CDH18: variants seen among roughly 807,000 people sequenced by gnomAD.
The protein encoded by CDH18 is cadherin-18.
In CDH18, 31 loss-of-function variants were observed where a neutral mutation model predicts 67.9. That is an observed-to-expected ratio of 0.46 (90% CI 0.34 to 0.62). The LOEUF is 0.62. CDH18 is among the 20% of genes least tolerant of loss of function. CDH18 has a pLI of 0.01. For synonymous variants in CDH18, 362 were observed against 347.2 expected (o/e 1.04, Z -0.48); for missense variants, 890 against 975.5 (o/e 0.91, Z 1.17).
chr5:20,209,416 G>A (rs1740172087), intron 2 of CDH18, among the ~76,000 whole-genome samples: 2 of 152,132 alleles, frequency 1.3e-5, no homozygotes, highest in South Asian at 4.1e-4. Context: ...CTATTATTCA[G>A]ACATAAAATA....
intron 2 of CDH18, among the ~76,000 whole-genome samples, chr5:20,090,010 A>G (rs1745285145): frequency 6.6e-6 from 1 of 152,162 alleles, no homozygotes; most frequent in African/African-American, 2.4e-5. Context: ...GCTTATGGAA[A>G]GTGTTTGACT....
At chr5:19,654,669 A>C (rs1384463237) in intron 5 of CDH18, among the ~76,000 whole-genome samples, 1 of 152,184 alleles carries the variant, frequency 6.6e-6, no homozygotes, top group African/African-American at 2.4e-5. Context: ...AGTGATAACC[A>C]GCTCAGTGCC....
intron 1 of CDH18, among the ~76,000 whole-genome samples, chr5:20,320,304 T>C (rs1314074034): frequency 3.3e-5 from 5 of 152,116 alleles, no homozygotes; most frequent in Non-Finnish European, 7.4e-5. Flanking sequence ...TAAACCTTGG[T>C]TTTCTCTAAG....
chr5:20,297,665 T>C (rs1053390785), intron 1 of CDH18, among the ~76,000 whole-genome samples: 1 of 152,164 alleles, frequency 6.6e-6, no homozygotes, highest in African/African-American at 2.4e-5. Context: ...GTGAAATAAC[T>C]AGTGCCAAAT....
chr5:19,983,033 G>GA (rs58434622), intron 1 of CDH18, among the ~76,000 whole-genome samples: 3,888 of 100,032 alleles, frequency 0.039, 219 homozygotes, highest in East Asian at 0.21. Flanking sequence ...ACTCCATCTC[G>GA]AAAAAAAAAA....
chr5:19,531,891 C>T (rs1220981882), intron 9 of CDH18, among the ~76,000 whole-genome samples: 1 of 152,146 alleles, frequency 6.6e-6, no homozygotes, highest in Non-Finnish European at 1.5e-5. Context: ...AAGGTGTCCA[C>T]AGTATCTACT....
In CDH18 at chr5:19,859,989, G is replaced by GGGGTGTGTGTGT. The variant is rs143069229; in HGVS notation, c.-256-20748_-256-20747insACACACACACCC. ...CTTATTAATTTACTTGTTTGCTTTG[G>GGGGTGTGTGTGT]GTGTGTGTGTGTGTGTGTGTGTGTG... On this transcript the variant is annotated intron_variant, in intron 2 of 12. Coordinates refer to ENST00000382275, the MANE Select transcript of CDH18 (RefSeq NM_004934.5). Among the ~76,000 whole-genome samples the GGGGTGTGTGTGT allele has an allele frequency of 1.4e-3, 195 of 143,246 alleles. 1 individual carries two copies. Among genetic ancestry groups the GGGGTGTGTGTGT allele is most frequent in the African/African-American group, 4.2e-3 (161 of 38,422 alleles). 94.0% of individuals were successfully genotyped at this position (143,246 alleles called of 152,430 possible).
intron 2 of CDH18, among the ~76,000 whole-genome samples, chr5:19,892,715 G>T (rs1195562722): frequency 6.6e-6 from 1 of 152,026 alleles, no homozygotes; most frequent in Non-Finnish European, 1.5e-5. Context: ...CATTCAAGCA[G>T]AGGCCCAGAT....
chr5:20,394,757 G>T (rs1443848477), intron 1 of CDH18, among the ~76,000 whole-genome samples: 1 of 151,666 alleles, frequency 6.6e-6, no homozygotes, highest in East Asian at 1.9e-4. Context: ...ATAATCCTAT[G>T]AAAAAGTGGG....
At chr5:20,574,316 A>G (rs1758996780) in intron 1 of CDH18, among the ~76,000 whole-genome samples, 1 of 152,008 alleles carries the variant, frequency 6.6e-6, no homozygotes, top group Non-Finnish European at 1.5e-5. Context: ...GGCTACTACT[A>G]AGGTTGGCAA....
chr5:20,501,569 AATATATATATATT>A (rs1379746086), intron 1 of CDH18, among the ~76,000 whole-genome samples: 10 of 16,190 alleles, frequency 6.2e-4, no homozygotes, highest in Admixed American at 1.5e-3. Flanking sequence ...ATATATATAT[AATATATATATATT>A]ATATATATAT....
intron 1 of CDH18, among the ~76,000 whole-genome samples, chr5:20,477,762 G>A (rs1449622120): frequency 2.0e-5 from 3 of 152,176 alleles, no homozygotes; most frequent in African/African-American, 7.2e-5. Flanking sequence ...TGGTGCCAGT[G>A]AACTTGGGGT....
chr5:19,945,457 C>A (rs1439855644), intron 2 of CDH18, among the ~76,000 whole-genome samples: 1 of 152,040 alleles, frequency 6.6e-6, no homozygotes, highest in African/African-American at 2.4e-5. Flanking sequence ...ATCTAGAAGT[C>A]CAGGATTTAA....
chr5:20,163,328 C>A (rs1736041452), intron 2 of CDH18, among the ~76,000 whole-genome samples: 1 of 151,778 alleles, frequency 6.6e-6, no homozygotes, highest in African/African-American at 2.4e-5. Flanking sequence ...TAAATTTTCC[C>A]CAATTTTCTA....
Position 19,755,458 on chromosome 5 carries a change from TAC to T in CDH18, c.229-8224_229-8223del, listed in dbSNP as rs70950099. ...ATATATATATATATATATATATATA[TAC>T]ACACACACACACACATACATAGATA... On this transcript the variant is annotated intron_variant, in intron 3 of 12. Coordinates refer to ENST00000382275, the MANE Select transcript of CDH18 (RefSeq NM_004934.5). 5.3e-4 allele frequency among the ~76,000 whole-genome samples: 5 copies of T among 9,452 alleles called. 1 individual carries two copies. Among genetic ancestry groups the T allele is most frequent in the African/African-American group, 7.1e-4 (5 of 7,010 alleles). 6.2% of individuals were successfully genotyped at this position (9,452 alleles called of 152,430 possible).
chr5:20,081,815 G>A (rs1744501908), intron 2 of CDH18, among the ~76,000 whole-genome samples: 1 of 152,100 alleles, frequency 6.6e-6, no homozygotes, highest in South Asian at 2.1e-4. Context: ...TGGGAGGAAA[G>A]TGAGGAACAA....
chr5:19,499,409 CAT>C (rs997854027), intron 11 of CDH18, among the ~76,000 whole-genome samples: 2 of 151,926 alleles, frequency 1.3e-5, no homozygotes, highest in African/African-American at 4.8e-5. Flanking sequence ...GCTATATATA[CAT>C]ATGTGTGCAT....
intron 1 of CDH18, among the ~76,000 whole-genome samples, chr5:20,338,601 A>G (rs7711789): frequency 0.014 from 2,148 of 152,300 alleles, 38 homozygotes; most frequent in African/African-American, 0.049. Flanking sequence ...AAGGGAGGGA[A>G]CCAGTATGAA....
chr5:19,904,939 C>A (rs1790374775), intron 2 of CDH18, among the ~76,000 whole-genome samples: 1 of 152,118 alleles, frequency 6.6e-6, no homozygotes, highest in African/African-American at 2.4e-5. Flanking sequence ...AGAGTACAGT[C>A]TTAAATGCAT....
Sources: gnomAD v4.1 joint callset for allele counts (sites outside exome capture counted in the v4.1 genomes callset) on GRCh38, gnomAD v4.1.1 for gene constraint, MANE v1.5 for transcripts, NCBI Gene and HGNC (gene_info 2026-07-23, HGNC 2026-07-21) for gene names.